L3MBTL3: variants seen among roughly 807,000 people sequenced by gnomAD.
The protein encoded by L3MBTL3 is L3MBTL histone methyl-lysine binding protein 3.
L3MBTL3 carries 27 observed loss-of-function variants against 102.3 expected under a neutral mutation model. That is an observed-to-expected ratio of 0.26 (90% CI 0.19 to 0.36). The LOEUF (loss-of-function observed/expected upper bound fraction) is 0.36, where lower values mean the gene tolerates loss of function less well. Among genes scored for constraint, L3MBTL3 ranks in the 10% least tolerant of loss-of-function variants. The pLI is 1.00. For synonymous variants in L3MBTL3, 340 were observed against 320.9 expected (o/e 1.06, Z -0.64); for missense variants, 798 against 955.3 (o/e 0.84, Z 2.17).
intron 20 of L3MBTL3, among the ~76,000 whole-genome samples, chr6:130,131,639 A>G (rs1028974171): frequency 2.0e-5 from 3 of 152,218 alleles, no homozygotes; most frequent in Non-Finnish European, 4.4e-5. Context: ...AGGAAAGGAA[A>G]GGAATAAAGA....
At chr6:130,096,613 G>A (rs1784379765) in intron 18 of L3MBTL3, among the ~76,000 whole-genome samples, 1 of 152,206 alleles carries the variant, frequency 6.6e-6, no homozygotes, top group Admixed American at 6.5e-5. Flanking sequence ...CGTGGTGACA[G>A]TTGTGTCCCC....
At chr6:130,102,096 A>G (rs973722057) in intron 18 of L3MBTL3, among the ~76,000 whole-genome samples, 1 of 149,680 alleles carries the variant, frequency 6.7e-6, no homozygotes, top group South Asian at 2.1e-4. Context: ...ATTCTATCTC[A>G]GGGGGAAAAA....
intron 3 of L3MBTL3, among the ~76,000 whole-genome samples, chr6:130,046,594 C>G (rs1440920766): frequency 1.3e-5 from 2 of 152,210 alleles, no homozygotes; most frequent in Admixed American, 6.5e-5. Flanking sequence ...TCTGATTGAC[C>G]TGGATATATC....
intron 22 of L3MBTL3, among the ~76,000 whole-genome samples, chr6:130,136,828 C>T (rs1582668699): frequency 6.6e-6 from 1 of 152,056 alleles, no homozygotes; most frequent in South Asian, 2.1e-4. Flanking sequence ...ATATTGGCCA[C>T]ACTGGTCTTG....
chr6:130,035,231 G>A (rs1779981457), intron 2 of L3MBTL3, among the ~76,000 whole-genome samples: 1 of 152,102 alleles, frequency 6.6e-6, no homozygotes, highest in Non-Finnish European at 1.5e-5. Flanking sequence ...ATATATGAGT[G>A]GTCTGCTTCC....
intron 1 of L3MBTL3, among the ~76,000 whole-genome samples, chr6:130,019,698 C>G (rs1278210401): frequency 6.6e-6 from 1 of 151,476 alleles, no homozygotes; most frequent in Non-Finnish European, 1.5e-5. Context: ...CTCGCCGCCT[C>G]CCTCTTCCCA....
intron 2 of L3MBTL3, among the ~76,000 whole-genome samples, chr6:130,031,435 C>T (rs747564326): frequency 3.3e-5 from 5 of 152,252 alleles, no homozygotes; most frequent in Non-Finnish European, 7.3e-5. Context: ...CTAAGTGACT[C>T]TGGGAAACTT....
At chr6:130,121,657 C>T (rs868656529) in intron 20 of L3MBTL3, among the ~76,000 whole-genome samples, 1 of 151,838 alleles carries the variant, frequency 6.6e-6, no homozygotes, top group South Asian at 2.1e-4. Context: ...GTGTTTAAAA[C>T]GCAATTCAGA....
At chr6:130,059,875 G>T (rs538316589) in intron 9 of L3MBTL3, among the ~76,000 whole-genome samples, 161 bp from the exon 10 acceptor site, 4 of 152,014 alleles carry the variant, frequency 2.6e-5, no homozygotes, top group Non-Finnish European at 5.9e-5. Context: ...TGTAGCCTTG[G>T]TCCATTTTTT....
At chr6:130,117,026 G>C (rs1168824497) in intron 19 of L3MBTL3, among the ~76,000 whole-genome samples, 1 of 141,510 alleles carries the variant, frequency 7.1e-6, no homozygotes, top group Non-Finnish European at 1.5e-5. Context: ...CATTGTGCAG[G>C]TTAGTTACAT....
intron 4 of L3MBTL3, 176 bp from the exon 5 acceptor site, chr6:130,049,580 T>A (rs1408431952): frequency 1.9e-5 from 13 of 697,832 alleles, no homozygotes; most frequent in Non-Finnish European, 3.0e-5. Flanking sequence ...CTATAAACTG[T>A]CTTCTTTGTC....
chr6:130,127,604 T>TC (rs202128360), intron 20 of L3MBTL3, among the ~76,000 whole-genome samples: 3,227 of 152,246 alleles, frequency 0.021, 111 homozygotes, highest in African/African-American at 0.073. Context: ...TTAAAAAACA[T>TC]CCTTGTTTGC....
chr6:130,047,514 A>T (rs1312457322), intron 3 of L3MBTL3, among the ~76,000 whole-genome samples: 1 of 152,202 alleles, frequency 6.6e-6, no homozygotes, highest in African/African-American at 2.4e-5. Context: ...CAGCAATTTG[A>T]AAACTTAAGC....
At chr6:130,093,419 A>C (rs1784174783) in intron 17 of L3MBTL3, among the ~76,000 whole-genome samples, 1 of 152,194 alleles carries the variant, frequency 6.6e-6, no homozygotes, top group African/African-American at 2.4e-5. Context: ...AATACAATAA[A>C]TTATTATCAA....
chr6:130,108,184 A>G lies in L3MBTL3; in HGVS notation c.1886+3609A>G, dbSNP rs191612146. 2.8e-4 allele frequency among the ~76,000 whole-genome samples: 42 copies of G among 148,052 alleles called. No individual in the cohort carries two copies. In the East Asian group the frequency reaches 7.7e-3, roughly 27 times the overall value. On this transcript the variant is annotated intron_variant, in intron 19 of 22. Transcript: ENST00000361794. ...CAAATATGAAGCTCTTGGAATAGTGATTAATAAGTCATAAGCCCTCAATAA... is the reference window on the plus strand; with the variant it reads ...CAAATATGAAGCTCTTGGAATAGTGGTTAATAAGTCATAAGCCCTCAATAA...
chr6:130,024,758 CGAGATCCTTGCTCTTGAGGAGTTCTA>C lies in L3MBTL3; in HGVS notation c.-16+2463_-16+2488del, dbSNP rs1382945574. Among the ~76,000 whole-genome samples the C allele has an allele frequency of 2.0e-5, 3 of 152,010 alleles. No homozygotes were observed. The East Asian group carries it at 5.8e-4, about 29-fold the overall frequency. ...CTTATGGTGTTGAACACTTAAAAGA[CGAGATCCTTGCTCTTGAGGAGTTCTA>C]GAGATCCTTACTCTGGGACTAGACA... On this transcript the variant is annotated intron_variant, in intron 2 of 22. Coordinates refer to ENST00000361794, the MANE Select transcript of L3MBTL3 (RefSeq NM_032438.4).
At chr6:130,064,454 G>C (rs1410856227) in intron 10 of L3MBTL3, among the ~76,000 whole-genome samples, 1 of 152,180 alleles carries the variant, frequency 6.6e-6, no homozygotes, top group Non-Finnish European at 1.5e-5. Context: ...GTGAGGGCTT[G>C]AAGTAGAGAG....
At chr6:130,024,690 G>A (rs1415701) in intron 2 of L3MBTL3, among the ~76,000 whole-genome samples, 46,529 of 151,980 alleles carry the variant, frequency 0.31, 7,476 homozygotes, top group East Asian at 0.4. Flanking sequence ...TGATCCCTGC[G>A]GTATTGTTTC....
intron 2 of L3MBTL3, among the ~76,000 whole-genome samples, chr6:130,033,493 A>G (rs755888522): frequency 4.6e-5 from 7 of 152,204 alleles, no homozygotes; most frequent in Non-Finnish European, 1.0e-4. Flanking sequence ...CATCTTCTGC[A>G]TAGTTGTCAT....
Sources: gnomAD v4.1 joint callset for allele counts (sites outside exome capture counted in the v4.1 genomes callset) on GRCh38, gnomAD v4.1.1 for gene constraint, MANE v1.5 for transcripts, NCBI Gene and HGNC (gene_info 2026-07-23, HGNC 2026-07-21) for gene names.